BMPR1B: variants seen among roughly 807,000 people sequenced by gnomAD.
BMPR1B encodes the protein bone morphogenetic protein receptor type 1B.
BMPR1B carries 12 observed loss-of-function variants against 59.1 expected under a neutral mutation model. The observed-to-expected ratio is 0.20, with a 90% confidence interval of 0.13 to 0.33. The LOEUF is 0.33. BMPR1B is among the 10% of genes least tolerant of loss of function. BMPR1B has a pLI of 1.00. For missense variants in BMPR1B, 550 were observed against 610.9 expected (o/e 0.90, Z 1.05); for synonymous variants, 237 against 207.3 (o/e 1.14, Z -1.23).
chr4:95,064,334 T>G (rs1727640685), intron 3 of BMPR1B, among the ~76,000 whole-genome samples: 1 of 152,166 alleles, frequency 6.6e-6, no homozygotes. Context: ...GCCTGAGTTG[T>G]GCCTCCTGTC....
intron 3 of BMPR1B, among the ~76,000 whole-genome samples, chr4:95,077,523 C>T (rs1007172800): frequency 3.3e-5 from 5 of 152,108 alleles, no homozygotes; most frequent in African/African-American, 4.8e-5. Context: ...AAGCACAAAG[C>T]GCACAAGCAC....
chr4:95,091,522 G>A (rs1326673677), intron 3 of BMPR1B: 7 of 985,132 alleles, frequency 7.1e-6, no homozygotes, highest in Admixed American at 6.2e-5. Context: ...TGCTGCCTAC[G>A]GTGCTGGGCT....
At chr4:95,089,426 T>G (rs1240833112) in intron 3 of BMPR1B, among the ~76,000 whole-genome samples, 1 of 152,100 alleles carries the variant, frequency 6.6e-6, no homozygotes, top group Non-Finnish European at 1.5e-5. Flanking sequence ...GTGAGAACAT[T>G]ACTGGCATAA....
chr4:94,792,722 G>A (rs1027206334), intron 1 of BMPR1B, among the ~76,000 whole-genome samples: 38 of 152,136 alleles, frequency 2.5e-4, no homozygotes, highest in Non-Finnish European at 1.0e-4. Context: ...GTGACTTTAT[G>A]TTAGTTGAGA....
intron 2 of BMPR1B, among the ~76,000 whole-genome samples, chr4:94,950,234 G>A (rs1729879888): frequency 6.6e-6 from 1 of 152,060 alleles, no homozygotes; most frequent in Non-Finnish European, 1.5e-5. Context: ...CATTCTGTAG[G>A]TTGCCTGTTC....
chr4:95,123,065 A>T (rs1356446313), intron 6 of BMPR1B, among the ~76,000 whole-genome samples: 1 of 152,162 alleles, frequency 6.6e-6, no homozygotes, highest in African/African-American at 2.4e-5. Context: ...CTTTGGGGTT[A>T]AAGTCAGTGA....
At chr4:95,054,105 C>G (rs1455587272) in intron 3 of BMPR1B, among the ~76,000 whole-genome samples, 2 of 152,124 alleles carry the variant, frequency 1.3e-5, no homozygotes, top group Non-Finnish European at 2.9e-5. Context: ...AAAATGACGA[C>G]TTGAGACATT....
Position 95,057,492 on chromosome 4 carries a change from G to A in BMPR1B, c.-17-46916G>A, listed in dbSNP as rs531802742. ...AATCTCTTGATCTTGTGATCCACCC[G>A]CCTTGGCCTCCCAAAGTGCTGCACT... On this transcript the variant is annotated intron_variant, in intron 3 of 12. Coordinates refer to ENST00000515059, the MANE Select transcript of BMPR1B (RefSeq NM_001203.3). Among the ~76,000 whole-genome samples the A allele has an allele frequency of 3.3e-3, 496 of 152,084 alleles. 2 individuals are homozygous for A. Among genetic ancestry groups the A allele is most frequent in the African/African-American group, 0.011 (457 of 41,530 alleles).
chr4:95,141,516 C>T lies in BMPR1B; in HGVS notation c.1077-7232C>T, dbSNP rs368415390. Reference sequence around the variant, plus strand: ...TTTCCTGCTCATATAAATTTTAAAACGCTGTATTGGTTTCTTCATGCATTC... The same window carrying T: ...TTTCCTGCTCATATAAATTTTAAAATGCTGTATTGGTTTCTTCATGCATTC... On this transcript the variant is annotated intron_variant, in intron 10 of 12. Transcript: ENST00000515059. Among the ~76,000 whole-genome samples the T allele has an allele frequency of 5.3e-5, 8 of 152,266 alleles. No homozygotes were observed. In the East Asian group the frequency reaches 5.8e-4, roughly 11 times the overall value.
intron 1 of BMPR1B, among the ~76,000 whole-genome samples, chr4:94,792,266 T>C (rs1347744551): frequency 6.6e-6 from 1 of 152,210 alleles, no homozygotes; most frequent in African/African-American, 2.4e-5. Context: ...AAAACTCTTC[T>C]TTCTTAAGGA....
intron 2 of BMPR1B, among the ~76,000 whole-genome samples, chr4:94,980,621 G>A (rs756776917): frequency 1.2e-4 from 19 of 152,120 alleles, no homozygotes; most frequent in East Asian, 1.9e-4. Flanking sequence ...GGGTGTGTGC[G>A]TGCATTCTGT....
At chr4:94,942,939 G>C (rs1002516009) in intron 2 of BMPR1B, among the ~76,000 whole-genome samples, 2 of 152,194 alleles carry the variant, frequency 1.3e-5, no homozygotes, top group Non-Finnish European at 2.9e-5. Flanking sequence ...TTGTAGAGTT[G>C]CTTATTCATG....
intron 3 of BMPR1B, among the ~76,000 whole-genome samples, chr4:95,042,078 G>T (rs144161666): frequency 4.6e-5 from 7 of 152,010 alleles, no homozygotes; most frequent in Admixed American, 2.0e-4. Context: ...GGATGGTCTC[G>T]ATCTCCTGAC....
chr4:94,880,184 A>G (rs1726902560), intron 2 of BMPR1B, among the ~76,000 whole-genome samples: 2 of 152,172 alleles, frequency 1.3e-5, no homozygotes, highest in South Asian at 2.1e-4. Flanking sequence ...CTGAAGCATT[A>G]TATGTCTTTG....
At chr4:94,935,670 T>A (rs1729266442) in intron 2 of BMPR1B, among the ~76,000 whole-genome samples, 1 of 152,212 alleles carries the variant, frequency 6.6e-6, no homozygotes, top group Non-Finnish European at 1.5e-5. Context: ...ATCTTAGAGC[T>A]GAGAACTAAA....
chr4:94,775,605 G>A (rs1021538891), intron 1 of BMPR1B, among the ~76,000 whole-genome samples: 2 of 152,176 alleles, frequency 1.3e-5, no homozygotes, highest in African/African-American at 4.8e-5. Context: ...ATTATGAAAT[G>A]TCTGGTTAAC....
At chr4:94,803,068 TG>T (rs1723470740) in intron 1 of BMPR1B, among the ~76,000 whole-genome samples, 1 of 152,184 alleles carries the variant, frequency 6.6e-6, no homozygotes, top group Non-Finnish European at 1.5e-5. Flanking sequence ...TTGCAAGTGA[TG>T]AACTCATGGT....
intron 2 of BMPR1B, among the ~76,000 whole-genome samples, chr4:94,930,454 A>G (rs1729056546): frequency 6.6e-6 from 1 of 152,092 alleles, no homozygotes; most frequent in Non-Finnish European, 1.5e-5. Flanking sequence ...AAGACACTGT[A>G]TTGCAATCAT....
At chr4:94,974,396 C>T (rs1239409569) in intron 2 of BMPR1B, among the ~76,000 whole-genome samples, 1 of 151,992 alleles carries the variant, frequency 6.6e-6, no homozygotes, top group East Asian at 1.9e-4. Flanking sequence ...TTATCAGCTA[C>T]CTTTACTGAC....
Sources: gnomAD v4.1 joint callset for allele counts (sites outside exome capture counted in the v4.1 genomes callset) on GRCh38, gnomAD v4.1.1 for gene constraint, MANE v1.5 for transcripts, NCBI Gene and HGNC (gene_info 2026-07-23, HGNC 2026-07-21) for gene names.